Variants in NAV2 observed in about 807,000 individuals in gnomAD.
NAV2 encodes neuron navigator 2.
Under a neutral mutation model 223.2 loss-of-function variants are expected in NAV2, and 54 were observed. The ratio of observed to expected loss-of-function variants is 0.24; its 90% CI spans 0.19 to 0.30. The LOEUF is 0.30. Among genes scored for constraint, NAV2 ranks in the 10% least tolerant of loss-of-function variants. The pLI is 1.00. For missense variants in NAV2, 2,806 were observed against 3,147.5 expected, an observed-to-expected ratio of 0.89 and a Z score of 2.60; for synonymous variants, 1,279 against 1,239.3, an observed-to-expected ratio of 1.03 and a Z score of -0.67.
rs59552085 is a variant in NAV2 at position 19,667,528 on chromosome 11, G to C, written c.76-164956G>C. Among the ~76,000 whole-genome samples, 561 of 152,254 alleles carry C rather than the reference G, an allele frequency of 3.7e-3. 3 individuals are homozygous for C. The highest frequency in any genetic ancestry group is 0.013 in the African/African-American group (537 of 41,540). On this transcript the variant is annotated intron_variant, in intron 1 of 37. Coordinates refer to the NAV2 transcript ENST00000360655. ...TCAGTTGGTGTGTTGTGGGGCCCAGGGTTTGGACTGAGGTGTGCTGGAGGA... is the reference window on the plus strand; with the variant it reads ...TCAGTTGGTGTGTTGTGGGGCCCAGCGTTTGGACTGAGGTGTGCTGGAGGA...
At chr11:20,083,272 C>T in intron 26 of NAV2, 93 bp downstream of exon 26, 1 of 982,688 alleles carries the variant, frequency 1.0e-6, no homozygotes, top group South Asian at 1.6e-5. Flanking sequence ...CACATCTGCT[C>T]CTTGGGATCC....
intron 1 of NAV2, among the ~76,000 whole-genome samples, chr11:19,607,915 C>A (rs1324042105): frequency 6.6e-6 from 1 of 152,210 alleles, no homozygotes; most frequent in African/African-American, 2.4e-5. Context: ...TATGCTAGAT[C>A]AGGAGGCTAA....
chr11:19,510,361 C>T (rs1311006714), intron 1 of NAV2, among the ~76,000 whole-genome samples: 1 of 152,210 alleles, frequency 6.6e-6, no homozygotes, highest in East Asian at 1.9e-4. Context: ...CTGAAACCTA[C>T]ATGAGAGCCA....
At chr11:19,369,660 T>C (rs1848406475) in intron 1 of NAV2, among the ~76,000 whole-genome samples, 1 of 152,168 alleles carries the variant, frequency 6.6e-6, no homozygotes, top group South Asian at 2.1e-4. Flanking sequence ...GAAATGCACA[T>C]TGATTCTACA....
intron 1 of NAV2, among the ~76,000 whole-genome samples, chr11:19,508,832 C>T (rs540933688): frequency 2.6e-5 from 4 of 152,292 alleles, no homozygotes; most frequent in South Asian, 2.1e-4. Context: ...GTAAAACCTC[C>T]GAAATCTCAA....
intron 1 of NAV2, among the ~76,000 whole-genome samples, chr11:19,762,397 G>C (rs1565272814): frequency 3.9e-5 from 6 of 152,154 alleles, no homozygotes; most frequent in African/African-American, 1.4e-4. Flanking sequence ...AAATCCCCAA[G>C]TTCTTCTCCA....
At chr11:19,648,856 T>C (rs1464129021) in intron 1 of NAV2, among the ~76,000 whole-genome samples, 1 of 152,216 alleles carries the variant, frequency 6.6e-6, no homozygotes, top group East Asian at 1.9e-4. Flanking sequence ...GAAATAAAAA[T>C]TGTCCAAATT....
At chr11:20,023,254 A>C in intron 11 of NAV2, 1 of 366,650 alleles carries the variant, frequency 2.7e-6, no homozygotes, top group South Asian at 2.5e-5. Flanking sequence ...TGCCTAAATC[A>C]CTGTGAGCTA....
intron 8 of NAV2, among the ~76,000 whole-genome samples, chr11:19,944,163 T>A (rs532722115): frequency 2.0e-5 from 3 of 152,250 alleles, no homozygotes; most frequent in Non-Finnish European, 4.4e-5. Context: ...ATCGTGCCAC[T>A]GCACTCCAGC....
intron 1 of NAV2, among the ~76,000 whole-genome samples, chr11:19,403,095 T>C (rs1849754995): frequency 6.6e-6 from 1 of 152,150 alleles, no homozygotes; most frequent in African/African-American, 2.4e-5. Flanking sequence ...ACATCTGAAA[T>C]ATGGGTTGTT....
chr11:20,055,879 C>T lies in NAV2; in HGVS notation c.4753C>T (p.Arg1585Trp), dbSNP rs139431433. 1.5e-4 allele frequency: 236 copies of T among 1,614,190 alleles called. No homozygotes were observed. Among genetic ancestry groups the T allele is most frequent in the Non-Finnish European group, 1.9e-4 (219 of 1,180,042 alleles). Residue 1585 changes from arginine (R) to tryptophan (W), a missense_variant, in exon 19 of 38, where the codon CGG (arginine) becomes TGG (tryptophan). By Grantham distance (101) the Arg-to-Trp change is moderately radical. Coordinates refer to ENST00000349880, the MANE Select transcript of NAV2 (RefSeq NM_145117.5). ...QYDPYTDSRFRNSSMSLDEKS... is the reference protein window; with the variant it reads ...QYDPYTDSRFWNSSMSLDEKS... ...TGATCCATACACTGACAGCCGCTTC[C>T]GGAATAGCTCCATGTCCCTGGATGA...
At chr11:19,782,668 G>C (rs1301585392) in intron 1 of NAV2, among the ~76,000 whole-genome samples, 280 of 152,232 alleles carry the variant, frequency 1.8e-3, no homozygotes, top group South Asian at 6.9e-3. Context: ...CCAGAGATCT[G>C]GGCTGGGTGA....
In NAV2 at chr11:20,064,427, C is replaced by G. The variant is rs1218003450; in HGVS notation, c.4884+2068C>G. ...GAAGCTGTAGTGGATGTTTCAGTGCCCAGCCCCGTGTTTTCCCTGTGGCAT... is the reference window on the plus strand; with the variant it reads ...GAAGCTGTAGTGGATGTTTCAGTGCGCAGCCCCGTGTTTTCCCTGTGGCAT... On this transcript the variant is annotated intron_variant, in intron 20 of 37. Coordinates refer to ENST00000349880, the MANE Select transcript of NAV2 (RefSeq NM_145117.5). Among the ~76,000 whole-genome samples the G allele has an allele frequency of 2.6e-5, 4 of 152,282 alleles. No individual in the cohort carries two copies. In the South Asian group the frequency reaches 8.3e-4, roughly 32 times the overall value.
chr11:19,921,426 C>T (rs752159425), intron 6 of NAV2, among the ~76,000 whole-genome samples: 19 of 152,118 alleles, frequency 1.2e-4, no homozygotes, highest in Non-Finnish European at 1.6e-4. Flanking sequence ...TTTTGAAGAA[C>T]AAAAACCATA....
intron 1 of NAV2, among the ~76,000 whole-genome samples, chr11:19,600,934 T>C (rs2046334222): frequency 6.6e-6 from 1 of 152,212 alleles, no homozygotes; most frequent in South Asian, 2.1e-4. Flanking sequence ...CATGTGACTT[T>C]GTAATCATTA....
chr11:19,403,552 G>A (rs998291089), intron 1 of NAV2, among the ~76,000 whole-genome samples: 11 of 152,188 alleles, frequency 7.2e-5, no homozygotes, highest in Non-Finnish European at 1.6e-4. Context: ...AGCGGCACAC[G>A]ATGTGGGGAT....
At chr11:19,894,555 G>A (rs1467417209) in intron 6 of NAV2, among the ~76,000 whole-genome samples, 1 of 152,174 alleles carries the variant, frequency 6.6e-6, no homozygotes, top group Non-Finnish European at 1.5e-5. Flanking sequence ...GCCTATGGGT[G>A]TGCCCGCCAA....
At chr11:20,103,234 C>A (rs541288074) in intron 32 of NAV2, 21 bp from the exon 33 acceptor site, 1 of 1,601,446 alleles carries the variant, frequency 6.2e-7, no homozygotes, top group Non-Finnish European at 8.5e-7. Context: ...TGTTCTCCTT[C>A]GGCCTTCCTG....
rs9943552 is a variant in NAV2 at position 19,688,482 on chromosome 11, A to G, written c.76-144002A>G. On this transcript the variant is annotated intron_variant, in intron 1 of 37. Coordinates refer to the NAV2 transcript ENST00000360655. ...ACCTGCAGCAAGCATCTTTCCGGGC[A>G]TCAAGTTTACTTTACATTTTAAGAA... Among the ~76,000 whole-genome samples, 462 of 152,356 alleles carry G rather than the reference A, an allele frequency of 3.0e-3. 1 individual carries two copies. Among genetic ancestry groups the G allele is most frequent in the African/African-American group, 0.011 (441 of 41,578 alleles).
Sources: allele counts gnomAD v4.1 joint callset (sites outside exome capture counted in the v4.1 genomes callset), GRCh38; gene constraint gnomAD v4.1.1; transcripts MANE v1.5; gene names NCBI Gene and HGNC (gene_info 2026-07-23, HGNC 2026-07-21).